GRIA4: variants seen among roughly 807,000 people sequenced by gnomAD.
GRIA4 encodes glutamate receptor 4.
GRIA4 carries 34 observed loss-of-function variants against 104.0 expected under a neutral mutation model. The ratio of observed to expected loss-of-function variants is 0.33; its 90% confidence interval spans 0.25 to 0.44. GRIA4 has a LOEUF of 0.44. Among genes scored for constraint, GRIA4 ranks in the 20% least tolerant of loss-of-function variants. GRIA4 has a pLI of 1.00. For missense variants in GRIA4, 750 were observed against 1,096.5 expected (o/e 0.68, Z 4.46); for synonymous variants, 386 against 381.9 (o/e 1.01, Z -0.13).
At chr11:105,644,707 G>A (rs1378779844) in intron 3 of GRIA4, among the ~76,000 whole-genome samples, 1 of 152,016 alleles carries the variant, frequency 6.6e-6, no homozygotes, top group Non-Finnish European at 1.5e-5. Context: ...TAGGAAATAC[G>A]GTAAGGGCAC....
intron 3 of GRIA4, among the ~76,000 whole-genome samples, chr11:105,675,257 T>G (rs934014913): frequency 2.6e-5 from 4 of 151,864 alleles, no homozygotes; most frequent in African/African-American, 9.7e-5. Flanking sequence ...GACTAACATT[T>G]ATTTATAGGA....
At chr11:105,792,386 G>A (rs1290819465) in intron 4 of GRIA4, among the ~76,000 whole-genome samples, 1 of 152,078 alleles carries the variant, frequency 6.6e-6, no homozygotes, top group African/African-American at 2.4e-5. Context: ...GTTCCAGTGA[G>A]AGAGGTACTT....
intron 3 of GRIA4, among the ~76,000 whole-genome samples, chr11:105,685,195 G>A (rs915994815): frequency 1.3e-5 from 2 of 148,600 alleles, no homozygotes; most frequent in Non-Finnish European, 3.0e-5. Flanking sequence ...GGGAGGGAGG[G>A]AGGAAGGAAG....
chr11:105,774,512 T>A (rs950625174), intron 4 of GRIA4, among the ~76,000 whole-genome samples: 1 of 152,162 alleles, frequency 6.6e-6, no homozygotes, highest in African/African-American at 2.4e-5. Context: ...AAGGCAAATA[T>A]GTTTTAACAT....
At position 105,980,107 on chromosome 11, in the gene GRIA4, T is replaced by C. The variant is rs1859198740; in HGVS notation, c.*368T>C. 2 of 173,016 alleles carry C rather than the reference T, an allele frequency of 1.2e-5. No individual in the cohort carries two copies. The highest frequency in any genetic ancestry group is 1.2e-4 in the Admixed American group (2 of 17,018). The allele number at this position is 173,016 out of a possible 1,614,324, so 10.7% of individuals were successfully genotyped here. On this transcript the variant is annotated 3_prime_UTR_variant, in exon 17 of 17. Transcript: ENST00000282499. Reference sequence around the variant, plus strand: ...GTTCTTGCTCAGAAAGGCCTTTGTCTTCACCGGAAAGGATAAAATAGTTGT... The same window carrying C: ...GTTCTTGCTCAGAAAGGCCTTTGTCCTCACCGGAAAGGATAAAATAGTTGT...
chr11:105,976,591 T>C (rs1205149855), intron 16 of GRIA4, among the ~76,000 whole-genome samples: 3 of 152,078 alleles, frequency 2.0e-5, no homozygotes, highest in African/African-American at 2.4e-5. Context: ...GCAGTTTTTA[T>C]TGTACTCTCA....
chr11:105,610,946 A>T lies in GRIA4; in HGVS notation c.-52A>T. ...AATGCTTCTCTGAACAGCCTTTAGGAAGAGTGCGAGAGAAAGAGAGAGAGC... is the reference window on the plus strand; with the variant it reads ...AATGCTTCTCTGAACAGCCTTTAGGTAGAGTGCGAGAGAAAGAGAGAGAGC... On this transcript the variant is annotated 5_prime_UTR_variant, in exon 2 of 17. Coordinates refer to ENST00000282499, the MANE Select transcript of GRIA4 (RefSeq NM_000829.4). The T allele has an allele frequency of 5.6e-6, 6 of 1,067,896 alleles. No homozygotes were observed. The highest frequency in any genetic ancestry group is 8.7e-6 in the Non-Finnish European group (6 of 691,420). 66.2% of individuals were successfully genotyped at this position (1,067,896 alleles called of 1,614,324 possible).
intron 3 of GRIA4, among the ~76,000 whole-genome samples, chr11:105,661,846 A>C (rs550253461): frequency 6.6e-6 from 1 of 151,962 alleles, no homozygotes; most frequent in South Asian, 2.1e-4. Context: ...CCTTGTCATT[A>C]TAGAACTTTC....
intron 3 of GRIA4, among the ~76,000 whole-genome samples, chr11:105,666,801 CTTTG>C (rs908334807): frequency 1.3e-5 from 2 of 151,592 alleles, no homozygotes; most frequent in Admixed American, 6.6e-5. Flanking sequence ...TAATTCTCTC[CTTTG>C]TTTGCTTTTG....
In GRIA4 at chr11:105,780,790, GC is replaced by G. The variant is rs1941693387; in HGVS notation, c.487+27571del. ...GCCATAATTCAACAATGAAAATCATGCACTTTAGTCTGCAGGGAACTTGGCA... is the reference window on the plus strand; with the variant it reads ...GCCATAATTCAACAATGAAAATCATGACTTTAGTCTGCAGGGAACTTGGCA... On this transcript the variant is annotated intron_variant, in intron 4 of 16. Transcript: ENST00000282499. 1.3e-5 allele frequency among the ~76,000 whole-genome samples: 2 copies of G among 152,114 alleles called. 1 individual carries two copies. Among genetic ancestry groups the G allele is most frequent in the Non-Finnish European group, 2.9e-5 (2 of 68,002 alleles).
chr11:105,720,525 A>G (rs944792578), intron 3 of GRIA4, among the ~76,000 whole-genome samples: 3 of 152,222 alleles, frequency 2.0e-5, no homozygotes, highest in South Asian at 4.1e-4. Flanking sequence ...TATAAACAAA[A>G]TATGTCCATA....
At chr11:105,895,904 T>C (rs1487667082) in intron 6 of GRIA4, among the ~76,000 whole-genome samples, 1 of 152,250 alleles carries the variant, frequency 6.6e-6, no homozygotes, top group Non-Finnish European at 1.5e-5. Flanking sequence ...GATGTCTTTT[T>C]GACAAAATGA....
intron 3 of GRIA4, among the ~76,000 whole-genome samples, chr11:105,676,325 G>T (rs562448740): frequency 5.3e-5 from 8 of 151,734 alleles, no homozygotes; most frequent in Non-Finnish European, 1.5e-5. Flanking sequence ...TACACAGGAG[G>T]CAGTTTCAGG....
chr11:105,862,126 T>G lies in GRIA4; in HGVS notation c.590T>G (p.Leu197Arg), dbSNP rs2136021108. Reference protein sequence around the residue: ...ENFNDVSYRQLLEELDRRQEK... With the variant: ...ENFNDVSYRQRLEELDRRQEK... ...TTTAATGATGTCAGCTATAGGCAAC[T>G]TCTAGAAGAACTTGACAGAAGACAA... Residue 197 changes from leucine (L) to arginine (R), a missense_variant, in exon 5 of 17, where the codon CTT becomes CGT. Around this residue, in one of 3 missense-constraint regions of GRIA4, gnomAD observed 410 missense variants for 502.7 expected, o/e 0.82. Coordinates refer to ENST00000282499, the MANE Select transcript of GRIA4 (RefSeq NM_000829.4). 1.2e-6 allele frequency: 2 copies of G among 1,608,984 alleles called. No individual in the cohort carries two copies. Among genetic ancestry groups the G allele is most frequent in the East Asian group, 4.5e-5 (2 of 44,798 alleles).
At chr11:105,966,320 A>C (rs965582717) in intron 14 of GRIA4, among the ~76,000 whole-genome samples, 6 of 152,220 alleles carry the variant, frequency 3.9e-5, no homozygotes. Context: ...TTATAAGTCT[A>C]TGAATCTCAA....
intron 3 of GRIA4, among the ~76,000 whole-genome samples, chr11:105,716,644 G>C (rs939659102): frequency 4.6e-5 from 7 of 152,028 alleles, no homozygotes; most frequent in African/African-American, 1.7e-4. Context: ...CATTAACAAC[G>C]TATCAATGCA....
intron 3 of GRIA4, among the ~76,000 whole-genome samples, chr11:105,703,610 T>C (rs1300052367): frequency 6.6e-6 from 1 of 152,204 alleles, no homozygotes; most frequent in African/African-American, 2.4e-5. Context: ...AGACAGTAGT[T>C]ATTCCACAAT....
At chr11:105,740,597 T>C (rs1392324749) in intron 3 of GRIA4, among the ~76,000 whole-genome samples, 1 of 152,188 alleles carries the variant, frequency 6.6e-6, no homozygotes, top group Non-Finnish European at 1.5e-5. Context: ...ATAAATAAGA[T>C]AATTTCAAAT....
chr11:105,839,741 A>G (rs1037251599), intron 4 of GRIA4, among the ~76,000 whole-genome samples: 3 of 152,060 alleles, frequency 2.0e-5, no homozygotes, highest in African/African-American at 7.2e-5. Context: ...AGAACCCCAA[A>G]TTACACACCT....
Sources: allele counts gnomAD v4.1 joint callset (sites outside exome capture counted in the v4.1 genomes callset), GRCh38; gene constraint gnomAD v4.1.1; regional missense constraint gnomAD v4.1.1; transcripts MANE v1.5; gene names NCBI Gene and HGNC (gene_info 2026-07-23, HGNC 2026-07-21).